C1orf167: variants seen among roughly 807,000 people sequenced by gnomAD.
C1orf167 encodes the protein uncharacterized protein C1orf167.
A neutral mutation model predicts 176.5 loss-of-function variants in C1orf167; 153 were observed. That is an observed-to-expected ratio of 0.87 (90% confidence interval 0.76 to 0.99). The LOEUF is 0.99. C1orf167 is among the 50% of genes least tolerant of loss of function. The pLI is 0.00. For missense variants in C1orf167, 1,490 were observed against 1,817.7 expected (o/e 0.82, Z 3.28); for synonymous variants, 594 against 752.7 (o/e 0.79, Z 3.45).
At position 11,768,165 on chromosome 1, in the gene C1orf167, C is replaced by T. The variant is rs1040019112; in HGVS notation, c.1432C>T (p.Arg478Cys). ...AGCGGCGGCGGCAGTGGCACTGGGC[C>T]GCTGGCAGCTGTTGCGAAAGTGCCT... Reference protein sequence around the residue: ...EPAAAAVALGRWQLLRKCLQA... With the variant: ...EPAAAAVALGCWQLLRKCLQA... The change falls in exon 5 of 21, where the codon CGC becomes TGC. Residue 478 changes from arginine to cysteine, a missense_variant. Arg to Cys is a radical substitution (Grantham distance 180, BLOSUM62 -3). Transcript: ENST00000688073. This position sits in a 1 kb window ranked among gnomAD's most constrained non-coding sequence, Gnocchi z 4.5. The T allele has an allele frequency of 7.8e-7, 1 of 1,287,914 alleles. No individual in the cohort carries two copies. 79.8% of individuals were successfully genotyped at this position (1,287,914 alleles called of 1,614,324 possible). A position where few individuals can be genotyped will look rare whatever the true frequency, so the allele number is the denominator to read the frequency against.
chr1:11,773,067 T>C (rs1218320743), intron 8 of C1orf167, among the ~76,000 whole-genome samples: 1 of 151,862 alleles, frequency 6.6e-6, no homozygotes, highest in Non-Finnish European at 1.5e-5. Flanking sequence ...CCGGCTAATT[T>C]TTTTTGTATT....
At chr1:11,788,832 G>A (rs1643988088) in intron 20 of C1orf167, 86 bp downstream of exon 20, 12 of 1,194,738 alleles carry the variant, frequency 1.0e-5, no homozygotes, top group South Asian at 5.1e-5. Context: ...ACGCACCGTG[G>A]AGCTTTCCCT....
intron 19 of C1orf167, 47 bp from the exon 20 acceptor site, chr1:11,788,605 G>T: frequency 7.8e-7 from 1 of 1,281,834 alleles, no homozygotes; most frequent in African/African-American, 1.5e-5. Flanking sequence ...TGGGGACTGC[G>T]GGGGAGCGTG....
chr1:11,775,773 G>C (rs1020044900), intron 9 of C1orf167, among the ~76,000 whole-genome samples, 163 bp downstream of exon 9: 1 of 152,178 alleles, frequency 6.6e-6, no homozygotes, highest in African/African-American at 2.4e-5. Context: ...TCCCAGAGTG[G>C]GCAGGCCCCA....
chr1:11,763,911 T>G (rs1642653149), intron 1 of C1orf167, among the ~76,000 whole-genome samples: 1 of 152,034 alleles, frequency 6.6e-6, no homozygotes, highest in Admixed American at 6.5e-5. Flanking sequence ...GATTTTTGTT[T>G]GAGCCACCAG....
chr1:11,776,621 C>T lies in C1orf167; in HGVS notation c.2322C>T (p.Phe774=). 8.3e-7 allele frequency: 1 copy of T among 1,199,656 alleles called. No individual in the cohort carries two copies. The highest frequency in any genetic ancestry group is 1.5e-5 in the South Asian group (1 of 65,708). The allele number at this position is 1,199,656 out of a possible 1,614,324, so 74.3% of individuals were successfully genotyped here. ...WALLLWKMRL[F]QRQWANSFFQ... ...TGCTGCTGTGGAAGATGCGGCTTTT[C>T]CAGCGCCAGTGGGCCAAGTAGGTGT... The change falls in exon 10 of 21, where the codon TTC becomes TTT. Residue 774 remains phenylalanine (F), a synonymous_variant. Transcript: ENST00000688073.
intron 9 of C1orf167, 74 bp downstream of exon 9, chr1:11,775,684 A>G (rs1643282142): frequency 8.1e-7 from 1 of 1,239,076 alleles, no homozygotes. Flanking sequence ...CCAGTTGAAT[A>G]TGTGAATTCT....
rs990003047 is a variant in C1orf167, at chr1:11,778,798, C to G, written c.2478C>G (p.Leu826=). ...TGGAGCCACTGAGCAGCAGCACACT[C>G]CAAGACTCTCTGGAGAAGGTGAGAG... ...SALEPLSSST[L]QDSLEKVPRA... The change falls in exon 11 of 21, where the codon CTC becomes CTG. Residue 826 remains leucine, a synonymous_variant. Transcript: ENST00000688073. The G allele has an allele frequency of 1.5e-5, 20 of 1,303,252 alleles. No individual in the cohort carries two copies. In the African/African-American group the frequency reaches 3.0e-4, roughly 20 times the overall value. The allele number at this position is 1,303,252 out of a possible 1,614,324, so 80.7% of individuals were successfully genotyped here. A position where few individuals can be genotyped will look rare whatever the true frequency, so the allele number is the denominator to read the frequency against.
chr1:11,789,527 T>C lies in C1orf167; in HGVS notation c.*81T>C. On this transcript the variant is annotated 3_prime_UTR_variant, in exon 21 of 21. Transcript: ENST00000688073. ...CATGCCCCACACATCCAGGGAGTGATGACAGAGGGGACAGCTTGAAGAGCT... is the reference window on the plus strand; with the variant it reads ...CATGCCCCACACATCCAGGGAGTGACGACAGAGGGGACAGCTTGAAGAGCT... The C allele has an allele frequency of 2.5e-6, 3 of 1,202,264 alleles. No individual in the cohort carries two copies. Among genetic ancestry groups the C allele is most frequent in the Non-Finnish European group, 2.2e-6 (2 of 917,074 alleles). The allele number at this position is 1,202,264 out of a possible 1,614,324, so 74.5% of individuals were successfully genotyped here. A position where few individuals can be genotyped will look rare whatever the true frequency, so the allele number is the denominator to read the frequency against.
At position 11,775,528 on chromosome 1, in the gene C1orf167, G is replaced by A. The variant is rs1372336202; in HGVS notation, c.2082G>A (p.Leu694=). Residue 694 remains leucine, a synonymous_variant, in exon 9 of 21, where the codon CTG becomes CTA. Coordinates refer to ENST00000688073, the MANE Select transcript of C1orf167 (RefSeq NM_001010881.2). ...DRRTGTLRKC[L]EQWVRMKQLR... Reference sequence around the variant, plus strand: ...GGACGGGGACCCTGAGGAAATGCCTGGAACAGTGGGTGCGGATGAAGCAGC... The same window carrying A: ...GGACGGGGACCCTGAGGAAATGCCTAGAACAGTGGGTGCGGATGAAGCAGC... 7.7e-7 allele frequency: 1 copy of A among 1,304,152 alleles called. No individual in the cohort carries two copies. The highest frequency in any genetic ancestry group is 1.0e-6 in the Non-Finnish European group (1 of 988,950). The allele number at this position is 1,304,152 out of a possible 1,614,324, so 80.8% of individuals were successfully genotyped here.
chr1:11,773,919 A>T (rs76778513), intron 8 of C1orf167, among the ~76,000 whole-genome samples: 15,448 of 151,574 alleles, frequency 0.1, 859 homozygotes, highest in South Asian at 0.19. Context: ...TTAAAAAAAA[A>T]TAGAGACAGG....
At chr1:11,767,724 G>A (rs1392449113) in intron 4 of C1orf167, among the ~76,000 whole-genome samples, 2 of 152,102 alleles carry the variant, frequency 1.3e-5, no homozygotes, top group African/African-American at 4.8e-5. Flanking sequence ...TACGCAGGAG[G>A]CTGAGGTGGG....
intron 15 of C1orf167, 69 bp from the exon 16 acceptor site, chr1:11,785,079 C>T: frequency 6.7e-6 from 8 of 1,185,214 alleles, no homozygotes; most frequent in Non-Finnish European, 8.6e-6. Context: ...CCGCAGGGCA[C>T]TGGGGGGGCT....
intron 15 of C1orf167, among the ~76,000 whole-genome samples, 195 bp from the exon 16 acceptor site, chr1:11,784,953 G>GC (rs1557743770): frequency 1.3e-5 from 2 of 152,192 alleles, no homozygotes. Flanking sequence ...GTCCCCGTCT[G>GC]TGATTTTCTC....
intron 13 of C1orf167, 130 bp downstream of exon 13, chr1:11,780,140 A>C: frequency 1.7e-6 from 1 of 583,408 alleles, no homozygotes; most frequent in South Asian, 2.3e-5. Flanking sequence ...AGGCTAAGCT[A>C]CATCTGGACT....
chr1:11,769,739 T>G (rs942630202), intron 6 of C1orf167, among the ~76,000 whole-genome samples: 8 of 148,770 alleles, frequency 5.4e-5, no homozygotes, highest in Non-Finnish European at 1.2e-4. Context: ...TGGCACAATC[T>G]CAGCTCACTG....
In C1orf167 at chr1:11,768,553, T is replaced by C. The variant is rs1044255873; in HGVS notation, c.1542+278T>C. On this transcript the variant is annotated intron_variant, in intron 5 of 20. Transcript: ENST00000688073. This position sits in a 1 kb window ranked among gnomAD's most constrained non-coding sequence, Gnocchi z 4.5. ...CTCTAAAATGGGATGATGATGATAA[T>C]AGAACATACCTCTCTCAGGGTCGTT... 1.4e-4 allele frequency among the ~76,000 whole-genome samples: 21 copies of C among 152,190 alleles called. No individual in the cohort carries two copies. The highest frequency in any genetic ancestry group is 1.9e-4 in the Non-Finnish European group (13 of 68,034).
chr1:11,771,594 A>G lies in C1orf167; in HGVS notation c.1768A>G (p.Arg590Gly). ...ACATCCTAGGCAGAGAACAGACAGC[A>G]GACACGAGAGAGTCCAGATCCTGCA... is the stretch of plus-strand genomic sequence containing the variant. Reference protein sequence around the residue: ...LSHPRQRTDSRHERVQILQAL... With the variant: ...LSHPRQRTDSGHERVQILQAL... The change falls in exon 7 of 21, where the codon AGA becomes GGA. Residue 590 changes from arginine (R) to glycine (G), a missense_variant. Arg to Gly is a moderately radical substitution (Grantham distance 125). Transcript: ENST00000688073. 2 of 1,289,852 alleles carry G rather than the reference A, an allele frequency of 1.6e-6. No homozygotes were observed. The highest frequency in any genetic ancestry group is 5.6e-5 in the East Asian group (1 of 18,014). The allele number at this position is 1,289,852 out of a possible 1,614,324, so 79.9% of individuals were successfully genotyped here.
In C1orf167 at chr1:11,785,284, G is replaced by A. The variant is rs1037777339; in HGVS notation, c.3562G>A (p.Gly1188Ser). 1.8e-5 allele frequency: 23 copies of A among 1,285,966 alleles called. No homozygotes were observed. The African/African-American group carries it at 2.0e-4, about 11-fold the overall frequency. 79.7% of individuals were successfully genotyped at this position (1,285,966 alleles called of 1,614,324 possible). ...GGTGCGGCTGGGACTGCCAGGGGCC[G>A]GCAAGGTACGCCCCAAGCCCCAGAC... ...LRVRLGLPGA[G>S]KTRSCWTQAT... Residue 1188 changes from glycine (G) to serine (S), a missense_variant, in exon 16 of 21, where the codon GGC (glycine) becomes AGC (serine). Gly to Ser is a moderately conservative substitution (Grantham distance 56). Coordinates refer to ENST00000688073, the MANE Select transcript of C1orf167 (RefSeq NM_001010881.2).
Sources: gnomAD v4.1 joint callset for allele counts (sites outside exome capture counted in the v4.1 genomes callset) on GRCh38, gnomAD v4.1.1 for gene constraint, Gnocchi (gnomAD v3.1) non-coding constraint, MANE v1.5 for transcripts, NCBI Gene and HGNC (gene_info 2026-07-23, HGNC 2026-07-21) for gene names.